The following CLYBL variants were observed in gnomAD, a reference collection of about 807,000 sequenced individuals.
The protein encoded by CLYBL is citramalyl-CoA lyase.
In CLYBL, 31 loss-of-function variants were observed where a neutral mutation model predicts 38.9. The ratio of observed to expected loss-of-function variants is 0.80; its 90% CI spans 0.60 to 1.08. CLYBL has a LOEUF of 1.08. CLYBL is among the 50% of genes least tolerant of loss of function. The pLI is 0.00. For missense variants in CLYBL, 434 were observed against 411.6 expected, an observed-to-expected ratio of 1.05 and a Z score of -0.47; for synonymous variants, 171 against 158.6, an observed-to-expected ratio of 1.08 and a Z score of -0.59.
At chr13:99,718,379 A>G (rs892325129) in intron 1 of CLYBL, among the ~76,000 whole-genome samples, 2 of 152,004 alleles carry the variant, frequency 1.3e-5, no homozygotes, top group East Asian at 1.9e-4. Context: ...AAAAAGAAAA[A>G]AAAAAAAAAA....
chr13:99,809,624 G>A (rs542301683), intron 2 of CLYBL, among the ~76,000 whole-genome samples: 21 of 152,234 alleles, frequency 1.4e-4, no homozygotes, highest in Non-Finnish European at 2.9e-4. Context: ...ATGGCTGCAG[G>A]CCCCTTGGCT....
At chr13:99,881,263 G>A (rs541846183) in intron 7 of CLYBL, among the ~76,000 whole-genome samples, 2 of 152,232 alleles carry the variant, frequency 1.3e-5, no homozygotes, top group South Asian at 2.1e-4. Context: ...ATTAGCATCC[G>A]TAAATTATCT....
chr13:99,849,277 C>T lies in CLYBL; in HGVS notation c.250-9584C>T, dbSNP rs990880229. ...CTGTAGTCCCAGTTAGTCGGGAGGC[C>T]GTGGTGGGAGGATTGCTTGAGCCCA... On this transcript the variant is annotated intron_variant, in intron 2 of 8. Transcript: ENST00000339105. The surrounding 1 kb of genome is among the most constrained non-coding windows in gnomAD (Gnocchi z 4.9). Among the ~76,000 whole-genome samples, 5 of 152,012 alleles carry T rather than the reference C, an allele frequency of 3.3e-5. No individual in the cohort carries two copies. Among genetic ancestry groups the T allele is most frequent in the African/African-American group, 4.8e-5 (2 of 41,396 alleles).
intron 1 of CLYBL, among the ~76,000 whole-genome samples, chr13:99,632,879 A>C (rs995161330): frequency 6.6e-6 from 1 of 152,226 alleles, no homozygotes; most frequent in Non-Finnish European, 1.5e-5. Flanking sequence ...ATCTACCATA[A>C]ATACATTCAA....
At chr13:99,813,185 G>A (rs1386930815) in intron 2 of CLYBL, among the ~76,000 whole-genome samples, 1 of 151,950 alleles carries the variant, frequency 6.6e-6, no homozygotes, top group Non-Finnish European at 1.5e-5. Context: ...TTCTAGATTT[G>A]CAAATGATCC....
At chr13:99,720,838 A>G (rs370227637) in intron 1 of CLYBL, among the ~76,000 whole-genome samples, 46 of 152,178 alleles carry the variant, frequency 3.0e-4, no homozygotes, top group East Asian at 1.9e-3. Context: ...CTGGCTCCTG[A>G]CTGTGCTGTT....
At chr13:99,799,402 C>T (rs887028294) in intron 2 of CLYBL, among the ~76,000 whole-genome samples, 29 of 151,668 alleles carry the variant, frequency 1.9e-4, no homozygotes, top group African/African-American at 6.3e-4. Flanking sequence ...CATACACACA[C>T]ACTTAATAGT....
chr13:99,757,755 G>A (rs1054727754), intron 1 of CLYBL, among the ~76,000 whole-genome samples: 1 of 152,270 alleles, frequency 6.6e-6, no homozygotes, highest in East Asian at 1.9e-4. Flanking sequence ...CACTGCGCCT[G>A]GCCACCTTGG....
downstream of CLYBL, among the ~76,000 whole-genome samples, chr13:99,897,486 C>G (rs1020287428): frequency 3.9e-5 from 6 of 152,182 alleles, no homozygotes; most frequent in East Asian, 1.9e-4. Flanking sequence ...GTCAAGCTAC[C>G]CGCACCTAAG....
At chr13:99,614,753 T>C (rs1451669156) in intron 1 of CLYBL, among the ~76,000 whole-genome samples, 3 of 151,024 alleles carry the variant, frequency 2.0e-5, no homozygotes, top group Non-Finnish European at 3.0e-5. Context: ...ATACTTTCTG[T>C]GGGAGAGGCC....
intron 1 of CLYBL, among the ~76,000 whole-genome samples, chr13:99,761,715 C>T (rs2049169537): frequency 1.3e-5 from 2 of 152,166 alleles, no homozygotes; most frequent in Admixed American, 1.3e-4. Flanking sequence ...CAGCACAGTT[C>T]TCTTTTTAGT....
In CLYBL at chr13:99,619,230, T is replaced by A. The variant is rs541933211; in HGVS notation, c.62+12473T>A. ...GGGCTGTGCCTCATGAATGGGTTAG[T>A]ATCATTGGAAAGAGGCTTCAGAGAG... On this transcript the variant is annotated intron_variant, in intron 1 of 8. Transcript: ENST00000339105. Among the ~76,000 whole-genome samples the A allele has an allele frequency of 3.7e-4, 57 of 152,268 alleles. No homozygotes were observed. The South Asian group carries it at 8.9e-3, about 24-fold the overall frequency.
chr13:99,695,739 G>A (rs1007714796), intron 1 of CLYBL, among the ~76,000 whole-genome samples: 8 of 151,954 alleles, frequency 5.3e-5, no homozygotes, highest in African/African-American at 1.7e-4. Flanking sequence ...GGCTGGTCTC[G>A]AACTCCTGAC....
intron 2 of CLYBL, among the ~76,000 whole-genome samples, chr13:99,826,511 T>G (rs1726662066): frequency 6.6e-6 from 1 of 152,174 alleles, no homozygotes. Flanking sequence ...GAGATTACCT[T>G]TTTCTTTGAC....
In CLYBL at chr13:99,859,092, G is replaced by A. The variant is rs138115820; in HGVS notation, c.438+43G>A. On this transcript the variant is annotated intron_variant, in intron 3 of 8. Transcript: ENST00000339105. ...TGCCTTAAGACTCAGGAGCAGCTAA[G>A]GAGGAGTAGCAGGAAGAAGGGATCT... 1.9e-4 allele frequency: 284 copies of A among 1,528,392 alleles called. 1 individual carries two copies. The East Asian group carries it at 5.4e-3, about 29-fold the overall frequency. The allele number at this position is 1,528,392 out of a possible 1,614,324, so 94.7% of individuals were successfully genotyped here.
chr13:99,896,646 C>G (rs531480061), downstream of CLYBL: 1 of 152,390 alleles, frequency 6.6e-6, no homozygotes, highest in African/African-American at 2.4e-5. Context: ...TTTCAGTCCT[C>G]CAGTCGAATC....
chr13:99,792,420 G>A, intron 2 of CLYBL, among the ~76,000 whole-genome samples: 1 of 152,168 alleles, frequency 6.6e-6, no homozygotes, highest in East Asian at 1.9e-4. Flanking sequence ...GGGGATCAGA[G>A]CAGCCGCTCT....
chr13:99,836,173 G>C (rs1042315274), intron 2 of CLYBL, among the ~76,000 whole-genome samples: 3 of 152,162 alleles, frequency 2.0e-5, no homozygotes, highest in Non-Finnish European at 2.9e-5. Flanking sequence ...GTATGAGGGG[G>C]ACTTGAAAGG....
intron 2 of CLYBL, among the ~76,000 whole-genome samples, chr13:99,799,998 G>T (rs2050099614): frequency 6.6e-6 from 1 of 152,242 alleles, no homozygotes. Context: ...TAGGGATCCT[G>T]TTGGGATTCT....
Sources: allele counts gnomAD v4.1 joint callset (sites outside exome capture counted in the v4.1 genomes callset), GRCh38; gene constraint gnomAD v4.1.1; non-coding constraint Gnocchi (gnomAD v3.1); transcripts MANE v1.5; gene names NCBI Gene and HGNC (gene_info 2026-07-23, HGNC 2026-07-21).